PIP5K1A: variants seen among roughly 807,000 people sequenced by gnomAD.
PIP5K1A encodes the protein phosphatidylinositol 4-phosphate 5-kinase type-1 alpha.
Under a neutral mutation model 72.9 loss-of-function variants are expected in PIP5K1A, and 46 were observed. The ratio of observed to expected loss-of-function variants is 0.63; its 90% CI spans 0.50 to 0.81. The LOEUF (loss-of-function observed/expected upper bound fraction) is 0.81. Ranked by LOEUF, PIP5K1A falls within the 30% of genes least tolerant of loss-of-function variation. PIP5K1A has a pLI of 0.00. For missense variants in PIP5K1A, 458 were observed against 706.1 expected, an observed-to-expected ratio of 0.65 and a Z score of 3.98; for synonymous variants, 228 against 255.1, an observed-to-expected ratio of 0.89 and a Z score of 1.01.
chr1:151,207,868 T>C (rs1161860139), intron 1 of PIP5K1A, among the ~76,000 whole-genome samples: 1 of 4,786 alleles, frequency 2.1e-4, no homozygotes, highest in African/African-American at 7.8e-4. Context: ...TTGCTCCTTC[T>C]TTTTTTTTTT....
intron 4 of PIP5K1A, among the ~76,000 whole-genome samples, chr1:151,229,101 A>C (rs1238240659): frequency 7.3e-6 from 1 of 137,492 alleles, no homozygotes; most frequent in Non-Finnish European, 1.5e-5. Flanking sequence ...CTGGGAGGCG[A>C]AGGTTGCAGT....
At chr1:151,218,867 T>G (rs1687997475) in intron 1 of PIP5K1A, among the ~76,000 whole-genome samples, 1 of 149,812 alleles carries the variant, frequency 6.7e-6, no homozygotes, top group East Asian at 2.0e-4. Context: ...CAGAGATTAT[T>G]CAGAAGAAAG....
chr1:151,227,045 A>G (rs1437535830), intron 3 of PIP5K1A, among the ~76,000 whole-genome samples: 1 of 152,190 alleles, frequency 6.6e-6, no homozygotes, highest in Non-Finnish European at 1.5e-5. Flanking sequence ...TAAAGAGTAA[A>G]AATACTCACT....
At chr1:151,228,489 A>G (rs2102537570) in intron 4 of PIP5K1A, among the ~76,000 whole-genome samples, 1 of 152,312 alleles carries the variant, frequency 6.6e-6, no homozygotes, top group East Asian at 1.9e-4. Context: ...GCTGGCGAAT[A>G]GTACCTAGGA....
intron 14 of PIP5K1A, among the ~76,000 whole-genome samples, chr1:151,245,681 G>C (rs148610611): frequency 6.6e-6 from 1 of 152,016 alleles, no homozygotes; most frequent in African/African-American, 2.4e-5. Flanking sequence ...GATTACAAGC[G>C]TGCACCATCA....
At chr1:151,213,422 A>G (rs1425152576) in intron 1 of PIP5K1A, 1 of 152,136 alleles carries the variant, frequency 6.6e-6, no homozygotes, top group Non-Finnish European at 1.5e-5. Flanking sequence ...GTTCTTTAAT[A>G]TTTTTGAAGT....
intron 1 of PIP5K1A, among the ~76,000 whole-genome samples, chr1:151,216,274 G>T (rs1050397052): frequency 2.6e-5 from 4 of 151,600 alleles, no homozygotes; most frequent in Non-Finnish European, 5.9e-5. Flanking sequence ...GCGTGAACCC[G>T]GGAGGCAGAG....
intron 12 of PIP5K1A, 23 bp from the exon 13 acceptor site, chr1:151,242,100 G>C: frequency 6.2e-7 from 1 of 1,613,374 alleles, no homozygotes; most frequent in South Asian, 1.1e-5. Context: ...TTGCTAAGTA[G>C]GCTCTCTCTT....
intron 10 of PIP5K1A, among the ~76,000 whole-genome samples, chr1:151,238,770 G>A (rs756662649): frequency 1.9e-4 from 29 of 152,276 alleles, no homozygotes; most frequent in Admixed American, 3.3e-4. Flanking sequence ...AGGACTGGAC[G>A]GTACTTGATT....
At chr1:151,234,771 G>T (rs1021110833) in intron 8 of PIP5K1A, among the ~76,000 whole-genome samples, 22 of 152,148 alleles carry the variant, frequency 1.4e-4, no homozygotes, top group African/African-American at 5.1e-4. Flanking sequence ...TCCTTCCTCA[G>T]ATTTTGGTCC....
rs1405954380 is a variant in PIP5K1A, at chr1:151,198,632, C to A, written c.-365C>A. ...GTGGTTAGGAAGGACGGAGAAGGGG[C>A]GTTCGCTCCTTTGGGACTTTTCATG... On this transcript the variant is annotated 5_prime_UTR_variant, in exon 1 of 16. Transcript: ENST00000368888. 1.2e-5 allele frequency: 3 copies of A among 251,594 alleles called. No individual in the cohort carries two copies. Among genetic ancestry groups the A allele is most frequent in the South Asian group, 6.7e-5 (1 of 14,932 alleles). The allele number at this position is 251,594 out of a possible 1,614,324, so 15.6% of individuals were successfully genotyped here.
chr1:151,229,346 C>G (rs1429167645), intron 4 of PIP5K1A, among the ~76,000 whole-genome samples: 1 of 150,950 alleles, frequency 6.6e-6, no homozygotes, highest in Non-Finnish European at 1.5e-5. Flanking sequence ...AGCCACCACA[C>G]CTGGCTTATT....
In PIP5K1A at chr1:151,229,360, C is replaced by CTTTTTT. The variant is rs587604327; in HGVS notation, c.237+1972_237+1977dup. 3.4e-3 allele frequency among the ~76,000 whole-genome samples: 445 copies of CTTTTTT among 130,732 alleles called. 3 individuals carry two copies. Among genetic ancestry groups the CTTTTTT allele is most frequent in the Middle Eastern group, 7.8e-3 (2 of 258 alleles). 85.8% of individuals were successfully genotyped at this position (130,732 alleles called of 152,430 possible). A position where few individuals can be genotyped will look rare whatever the true frequency, so the allele number is the denominator to read the frequency against. On this transcript the variant is annotated intron_variant, in intron 4 of 15. Coordinates refer to ENST00000368888, the MANE Select transcript of PIP5K1A (RefSeq NM_001135638.2). Reference sequence around the variant, plus strand: ...CAGCCACCACACCTGGCTTATTTAGCTTTTTTTTTTTTTTTTTCCTGAGGG... The same window carrying CTTTTTT: ...CAGCCACCACACCTGGCTTATTTAGCTTTTTTTTTTTTTTTTTTTTTTTCCTGAGGG...
intron 1 of PIP5K1A, among the ~76,000 whole-genome samples, chr1:151,223,632 G>T (rs587763883): frequency 1.8e-4 from 21 of 118,874 alleles, no homozygotes; most frequent in African/African-American, 5.9e-4. Flanking sequence ...GCAACAGAGC[G>T]AGACTCTGTC....
At chr1:151,211,302 CAT>C (rs757530087) in intron 1 of PIP5K1A, among the ~76,000 whole-genome samples, 1 of 151,794 alleles carries the variant, frequency 6.6e-6, no homozygotes, top group African/African-American at 2.4e-5. Flanking sequence ...GCCTGGGTAA[CAT>C]AGTGAAACCC....
intron 15 of PIP5K1A, 22 bp downstream of exon 15, chr1:151,246,987 G>A: frequency 6.2e-7 from 1 of 1,604,762 alleles, no homozygotes; most frequent in East Asian, 2.2e-5. Context: ...GGATGTGTGG[G>A]AGGTGAACGT....
chr1:151,210,671 C>T (rs587775786), intron 1 of PIP5K1A, among the ~76,000 whole-genome samples: 5 of 152,156 alleles, frequency 3.3e-5, no homozygotes, highest in East Asian at 1.9e-4. Context: ...TGCAGCCTCC[C>T]GTCTCCTGGG....
At chr1:151,200,698 CTATTTT>C (rs1685096145) in intron 1 of PIP5K1A, among the ~76,000 whole-genome samples, 4 of 151,958 alleles carry the variant, frequency 2.6e-5, no homozygotes, top group Admixed American at 6.6e-5. Context: ...TAATAAATCT[CTATTTT>C]TAGTTTGTTG....
chr1:151,205,320 C>T (rs587598765), intron 1 of PIP5K1A, among the ~76,000 whole-genome samples: 5 of 152,248 alleles, frequency 3.3e-5, no homozygotes, highest in South Asian at 2.1e-4. Context: ...GGATCACAGG[C>T]GTGCGCCACC....
Sources: gnomAD v4.1 joint callset for allele counts (sites outside exome capture counted in the v4.1 genomes callset) on GRCh38, gnomAD v4.1.1 for gene constraint, MANE v1.5 for transcripts, NCBI Gene and HGNC (gene_info 2026-07-23, HGNC 2026-07-21) for gene names.